The following PCDHGA9 variants were observed in gnomAD, a reference collection of about 807,000 sequenced individuals.
PCDHGA9 encodes the protein protocadherin gamma subfamily A, 9, also known as protocadherin gamma-A9.
A neutral mutation model predicts 62.5 loss-of-function variants in PCDHGA9; 37 were observed. That is an observed-to-expected ratio of 0.59 (90% confidence interval 0.46 to 0.78). The LOEUF (loss-of-function observed/expected upper bound fraction) is 0.78. PCDHGA9 is among the 30% of genes least tolerant of loss of function. The pLI is 0.00. For missense variants in PCDHGA9, 1,138 were observed against 1,166.2 expected (o/e 0.98, Z 0.35); for synonymous variants, 459 against 484.6 (o/e 0.95, Z 0.69).
At chr5:141,422,705 C>T (rs371027437) in intron 1 of PCDHGA9, 2 of 1,602,706 alleles carry the variant, frequency 1.2e-6, no homozygotes, top group South Asian at 1.1e-5. Context: ...TACTCTCTGA[C>T]GGATGACACT....
chr5:141,415,406 T>G, intron 1 of PCDHGA9: 1 of 1,614,208 alleles, frequency 6.2e-7, no homozygotes. Flanking sequence ...GGCTCGCACT[T>G]TGTGGGCGTG....
chr5:141,454,892 C>T (rs1389056318), intron 1 of PCDHGA9, among the ~76,000 whole-genome samples: 4 of 146,994 alleles, frequency 2.7e-5, no homozygotes, highest in Non-Finnish European at 5.9e-5. Context: ...ACTGCTAGCA[C>T]CGCCTCCCGG....
chr5:141,428,293 C>T, intron 1 of PCDHGA9: 1 of 716,436 alleles, frequency 1.4e-6, no homozygotes, highest in South Asian at 1.6e-5. Context: ...AGCAAAGCTG[C>T]AGATTTACCT....
rs1288071067 is a variant in PCDHGA9 at position 141,404,171 on chromosome 5, GC to G, written c.1222del (p.Gln408LysfsTer15). ...SEEDYYRLLT[A>X]QILDREKASE... is the part of the protein sequence containing the mutation. ...AGAAGATTATTACAGATTGTTGACG[GC>G]CCAAATTCTTGACCGAGAAAAAGCC... On this transcript the variant is annotated frameshift_variant, in exon 1 of 4. Coordinates refer to ENST00000573521, the MANE Select transcript of PCDHGA9 (RefSeq NM_018921.3). LOFTEE classifies it high-confidence loss of function. 5.6e-6 allele frequency: 9 copies of G among 1,612,616 alleles called. No homozygotes were observed. The African/African-American group carries it at 9.4e-5, about 17-fold the overall frequency.
At chr5:141,427,901 G>T in intron 1 of PCDHGA9, 1 of 1,572,232 alleles carries the variant, frequency 6.4e-7, no homozygotes. Flanking sequence ...GCTCGCCCGC[G>T]CTCAGCGCCA....
At chr5:141,488,932 A>G (rs2233598) in intron 1 of PCDHGA9, among the ~76,000 whole-genome samples, 31,368 of 152,090 alleles carry the variant, frequency 0.21, 3,372 homozygotes, top group Admixed American at 0.31. Flanking sequence ...GGATTGAGGA[A>G]ACTCCATAAT....
intron 1 of PCDHGA9, among the ~76,000 whole-genome samples, chr5:141,446,128 G>A (rs1242643475): frequency 3.3e-5 from 5 of 152,188 alleles, no homozygotes; most frequent in Non-Finnish European, 7.3e-5. Flanking sequence ...GGTTCAATAA[G>A]ACTTAATAAT....
intron 1 of PCDHGA9, chr5:141,408,241 G>A: frequency 1.3e-6 from 2 of 1,580,050 alleles, no homozygotes; most frequent in Non-Finnish European, 1.7e-6. Flanking sequence ...GGGCCGGCCC[G>A]CGGCAGGTGC....
chr5:141,408,277 C>T (rs367948897), intron 1 of PCDHGA9: 2 of 1,611,980 alleles, frequency 1.2e-6, no homozygotes, highest in African/African-American at 1.3e-5. Context: ...TGCCTTTGTT[C>T]TACCCCACCC....
chr5:141,507,504 C>T (rs1443873775), intron 3 of PCDHGA9, among the ~76,000 whole-genome samples: 1 of 152,138 alleles, frequency 6.6e-6, no homozygotes, highest in Admixed American at 6.5e-5. Flanking sequence ...TGTCCCAGGT[C>T]TGGTGGGGCT....
intron 1 of PCDHGA9, among the ~76,000 whole-genome samples, chr5:141,436,677 G>T (rs966497986): frequency 2.2e-4 from 33 of 152,278 alleles, no homozygotes; most frequent in Non-Finnish European, 2.9e-5. Flanking sequence ...CCAAAAAAAG[G>T]ATTTATATTT....
chr5:141,472,750 C>T (rs967243815), intron 1 of PCDHGA9, among the ~76,000 whole-genome samples: 3 of 151,882 alleles, frequency 2.0e-5, no homozygotes, highest in Non-Finnish European at 2.9e-5. Context: ...CTTTGGGAGG[C>T]GGAGGCTGGC....
rs763072566 is a variant in PCDHGA9 at position 141,419,417 on chromosome 5, T to G, written c.2424+14041T>G. The stretch of plus-strand genomic sequence containing the variant: ...CGGGGTGGTGTTCGCGCAGCGCGCC[T>G]TCGACCACGAGCAGCTGCGCACCTT... On this transcript the variant is annotated intron_variant, in intron 1 of 3. Transcript: ENST00000573521. 3.0e-5 allele frequency: 48 copies of G among 1,613,288 alleles called. No homozygotes were observed. Among genetic ancestry groups the G allele is most frequent in the Non-Finnish European group, 3.8e-5 (45 of 1,179,884 alleles).
intron 1 of PCDHGA9, among the ~76,000 whole-genome samples, chr5:141,405,997 C>T (rs1589599248): frequency 6.6e-6 from 1 of 151,926 alleles, no homozygotes; most frequent in Non-Finnish European, 1.5e-5. Context: ...TAGCTCTCAG[C>T]CTGCATTGAT....
At chr5:141,410,425 C>G (rs779212749) in intron 1 of PCDHGA9, 1 of 1,614,030 alleles carries the variant, frequency 6.2e-7, no homozygotes, top group South Asian at 1.1e-5. Flanking sequence ...TAGTTCCCCC[C>G]AACTACAGTG....
Position 141,485,465 on chromosome 5 carries a change from C to T in PCDHGA9, c.2425-9342C>T. ...AATCGACCGAGAGGCACTGTGTGGG[C>T]TCAGTGCCAGCTGCATCGTGCCCCT... On this transcript the variant is annotated intron_variant, in intron 1 of 3. Coordinates refer to ENST00000573521, the MANE Select transcript of PCDHGA9 (RefSeq NM_018921.3). This position sits in a 1 kb window ranked among gnomAD's most constrained non-coding sequence, Gnocchi z 5.7. 6.2e-7 allele frequency: 1 copy of T among 1,614,162 alleles called. No homozygotes were observed.
intron 1 of PCDHGA9, among the ~76,000 whole-genome samples, chr5:141,494,496 T>A (rs147870810): frequency 2.9e-3 from 442 of 152,264 alleles, no homozygotes; most frequent in Non-Finnish European, 4.9e-3. Flanking sequence ...ATGCCTTCAG[T>A]CCTTGAATTT....
chr5:141,454,796 ATTTTTTTTTTTTTTTTTT>A (rs61612330), intron 1 of PCDHGA9, among the ~76,000 whole-genome samples: 1 of 77,408 alleles, frequency 1.3e-5, no homozygotes, highest in Non-Finnish European at 2.3e-5. Flanking sequence ...CATGGTTCTA[ATTTTTTTTTTTTTTTTTT>A]TTTTTTTTTT....
Position 141,486,793 on chromosome 5 carries a change from G to C in PCDHGA9, c.2425-8014G>C. ...AGTTTGAGGTGCAGGCCCGGGATCG[G>C]GGCAACCCACCCCTTAGCAGCACTG... is the stretch of plus-strand genomic sequence containing the variant. On this transcript the variant is annotated intron_variant, in intron 1 of 3. Transcript: ENST00000573521. This position sits in a 1 kb window ranked among gnomAD's most constrained non-coding sequence, Gnocchi z 5.0. 6.2e-7 allele frequency: 1 copy of C among 1,614,244 alleles called. No homozygotes were observed. Among genetic ancestry groups the C allele is most frequent in the Non-Finnish European group, 8.5e-7 (1 of 1,180,050 alleles).
Sources: gnomAD v4.1 joint callset for allele counts (sites outside exome capture counted in the v4.1 genomes callset) on GRCh38, gnomAD v4.1.1 for gene constraint, Gnocchi (gnomAD v3.1) non-coding constraint, MANE v1.5 for transcripts, NCBI Gene and HGNC (gene_info 2026-07-23, HGNC 2026-07-21) for gene names.